Variants in LRRC39 observed in about 807,000 individuals in gnomAD.
LRRC39 encodes leucine-rich repeat-containing protein 39.
LRRC39 carries 35 observed loss-of-function variants against 39.7 expected under a neutral mutation model. The observed-to-expected ratio is 0.88, with a 90% CI of 0.67 to 1.17. The LOEUF is 1.17. LRRC39 is among the 50% of genes most tolerant of loss of function. The probability of loss-of-function intolerance (pLI) is 0.00; values close to 1 mark genes in which losing one functional copy is unlikely to be tolerated. For synonymous variants in LRRC39, 113 were observed against 134.1 expected (o/e 0.84, Z 1.09); for missense variants, 357 against 385.8 (o/e 0.93, Z 0.62).
intron 9 of LRRC39, chr1:100,149,983 T>C (rs570511059): frequency 6.6e-6 from 1 of 152,506 alleles, no homozygotes; most frequent in Non-Finnish European, 1.5e-5. Context: ...TCATATATCT[T>C]GTCAGACTGT....
At position 100,176,499 on chromosome 1, in the gene LRRC39, A is replaced by G. The variant is rs185506414; in HGVS notation, c.-119+1636T>C. ...ATAAAAATAGCTAGAATTAAGGGGG[A>G]AAAAACTGTGTGACATTGGAGATAT... is the stretch of plus-strand genomic sequence containing the variant. On this transcript the variant is annotated intron_variant, in intron 1 of 9. Coordinates refer to ENST00000370137, the MANE Select transcript of LRRC39 (RefSeq NM_144620.4). 5.3e-3 allele frequency among the ~76,000 whole-genome samples: 810 copies of G among 152,304 alleles called. 10 individuals are homozygous for G. The highest frequency in any genetic ancestry group is 0.011 in the Admixed American group (167 of 15,290).
At chr1:100,158,541 C>T (rs1658638521) in intron 5 of LRRC39, among the ~76,000 whole-genome samples, 174 bp from the exon 6 acceptor site, 1 of 152,124 alleles carries the variant, frequency 6.6e-6, no homozygotes, top group South Asian at 2.1e-4. Flanking sequence ...GGGTTCACGC[C>T]ATTTTCCTGC....
intron 9 of LRRC39, among the ~76,000 whole-genome samples, chr1:100,150,770 C>A (rs1259953384): frequency 1.3e-5 from 2 of 152,182 alleles, no homozygotes; most frequent in African/African-American, 2.4e-5. Flanking sequence ...CAACAAACCT[C>A]TTCTTGAACT....
chr1:100,159,589 CTTTTTTTTTTCTTTTCCTT>C (rs1658719640), intron 4 of LRRC39, among the ~76,000 whole-genome samples, 174 bp from the exon 5 acceptor site: 1 of 123,022 alleles, frequency 8.1e-6, no homozygotes. Context: ...AAGATCTTTC[CTTTTTTTTTTCTTTTCCTT>C]TTTTTTTTTT....
In LRRC39 at chr1:100,151,304, A is replaced by G. The variant is rs546535383; in HGVS notation, c.952+1081T>C. 6.6e-5 allele frequency among the ~76,000 whole-genome samples: 10 copies of G among 152,106 alleles called. No individual in the cohort carries two copies. The East Asian group carries it at 1.2e-3, about 18-fold the overall frequency. ...TTGTAAACTCCCTTTTCTCATCTTC[A>G]TTCAATTACCAATTCTGTCTCCTAA... is the stretch of plus-strand genomic sequence containing the variant. On this transcript the variant is annotated intron_variant, in intron 9 of 9. Coordinates refer to ENST00000370137, the MANE Select transcript of LRRC39 (RefSeq NM_144620.4).
chr1:100,176,626 A>G (rs1027524690), intron 1 of LRRC39, among the ~76,000 whole-genome samples: 4 of 152,210 alleles, frequency 2.6e-5, no homozygotes, highest in African/African-American at 9.7e-5. Context: ...CCATATATAG[A>G]GCCAACAAAA....
At chr1:100,149,513 C>G in intron 9 of LRRC39, 1 of 1,333,040 alleles carries the variant, frequency 7.5e-7, no homozygotes, top group Non-Finnish European at 1.0e-6. Flanking sequence ...CAAAAAGATA[C>G]TTACAAACAT....
intron 1 of LRRC39, among the ~76,000 whole-genome samples, chr1:100,175,029 C>CG (rs1659862957): frequency 6.6e-6 from 1 of 152,192 alleles, no homozygotes; most frequent in Non-Finnish European, 1.5e-5. Flanking sequence ...TCTGGCCTTG[C>CG]GGGACGCAGG....
chr1:100,167,775 CAAAAAT>C (rs1158640595), intron 3 of LRRC39, among the ~76,000 whole-genome samples: 1 of 112,908 alleles, frequency 8.9e-6, no homozygotes, highest in African/African-American at 3.4e-5. Flanking sequence ...GTCTCCATTT[CAAAAAT>C]AATAATAATA....
At chr1:100,172,916 T>C (rs1057312524) in intron 2 of LRRC39, among the ~76,000 whole-genome samples, 10 of 147,750 alleles carry the variant, frequency 6.8e-5, no homozygotes, top group Non-Finnish European at 1.3e-4. Context: ...GCTGAGATCA[T>C]GCCACTGCAC....
chr1:100,170,446 T>C (rs1345427243), intron 2 of LRRC39, among the ~76,000 whole-genome samples: 2 of 152,156 alleles, frequency 1.3e-5, no homozygotes, highest in Non-Finnish European at 2.9e-5. Context: ...GGCAAATCTG[T>C]AGATTCAAAA....
chr1:100,161,928 T>A (rs897666488), intron 3 of LRRC39, among the ~76,000 whole-genome samples: 2 of 152,214 alleles, frequency 1.3e-5, no homozygotes, highest in Non-Finnish European at 2.9e-5. Context: ...ATTACAGGCG[T>A]GAACCACTGT....
chr1:100,164,380 G>T (rs937655594), intron 3 of LRRC39, among the ~76,000 whole-genome samples: 6 of 152,136 alleles, frequency 3.9e-5, no homozygotes, highest in Non-Finnish European at 5.9e-5. Context: ...AGTGTGATTT[G>T]CAGAACAGCA....
intron 5 of LRRC39, 140 bp from the exon 6 acceptor site, chr1:100,158,507 G>A (rs1658634655): frequency 6.4e-6 from 4 of 625,276 alleles, no homozygotes; most frequent in Admixed American, 7.0e-5. Context: ...GCGCTATCTC[G>A]GCTCACTGCA....
At chr1:100,151,151 GAC>G (rs1657977159) in intron 9 of LRRC39, among the ~76,000 whole-genome samples, 1 of 107,716 alleles carries the variant, frequency 9.3e-6, no homozygotes, top group Non-Finnish European at 1.9e-5. Context: ...AAAAAAAAAA[GAC>G]TGCCAAAATT....
At chr1:100,161,962 A>G (rs1170116890) in intron 3 of LRRC39, among the ~76,000 whole-genome samples, 1 of 152,206 alleles carries the variant, frequency 6.6e-6, no homozygotes, top group East Asian at 1.9e-4. Context: ...TAACATTTTC[A>G]GAAACTGCCA....
chr1:100,156,343 A>G (rs1488900276), intron 6 of LRRC39, 26 bp from the exon 7 acceptor site: 2 of 1,580,052 alleles, frequency 1.3e-6, no homozygotes, highest in African/African-American at 1.3e-5. Context: ...AGGTTTTTCA[A>G]AATAAATGTC....
chr1:100,156,353 C>A, intron 6 of LRRC39, 36 bp from the exon 7 acceptor site: 1 of 1,570,528 alleles, frequency 6.4e-7, no homozygotes. Flanking sequence ...AAATAAATGT[C>A]CACAATGTAA....
At chr1:100,154,776 A>G (rs1658334800) in intron 8 of LRRC39, among the ~76,000 whole-genome samples, 2 of 152,236 alleles carry the variant, frequency 1.3e-5, no homozygotes, top group South Asian at 4.1e-4. Context: ...TTTCTTCCCC[A>G]TAAAAGACCT....
Sources: gnomAD v4.1 joint callset for allele counts (sites outside exome capture counted in the v4.1 genomes callset) on GRCh38, gnomAD v4.1.1 for gene constraint, MANE v1.5 for transcripts, NCBI Gene and HGNC (gene_info 2026-07-23, HGNC 2026-07-21) for gene names.